MGAT5: variants seen among roughly 807,000 people sequenced by gnomAD.
MGAT5 encodes alpha-1,6-mannosylglycoprotein 6-beta-N-acetylglucosaminyltransferase.
MGAT5 carries 30 observed loss-of-function variants against 94.3 expected under a neutral mutation model. The observed-to-expected ratio is 0.32, with a 90% CI of 0.24 to 0.43. MGAT5 has a LOEUF of 0.43. Among genes scored for constraint, MGAT5 ranks in the 20% least tolerant of loss-of-function variants. The pLI is 1.00. For synonymous variants in MGAT5, 310 were observed against 322.9 expected, an observed-to-expected ratio of 0.96 and a Z score of 0.43; for missense variants, 691 against 905.5, an observed-to-expected ratio of 0.76 and a Z score of 3.04.
chr2:134,402,603 A>G (rs1683117073), intron 10 of MGAT5, among the ~76,000 whole-genome samples: 1 of 152,094 alleles, frequency 6.6e-6, no homozygotes, highest in Non-Finnish European at 1.5e-5. Context: ...CCTTCCCCAA[A>G]CTTCCTCTCC....
At chr2:134,272,168 C>A (rs974069327) in intron 2 of MGAT5, among the ~76,000 whole-genome samples, 5 of 152,298 alleles carry the variant, frequency 3.3e-5, no homozygotes, top group East Asian at 1.9e-4. Flanking sequence ...GTCGTGGGTA[C>A]ACCTCTAAGA....
intron 1 of MGAT5, among the ~76,000 whole-genome samples, chr2:134,203,535 T>G (rs1679894017): frequency 6.6e-6 from 1 of 151,990 alleles, no homozygotes; most frequent in South Asian, 2.1e-4. Flanking sequence ...CATTCTGAAA[T>G]CCTAGCACTC....
At chr2:134,429,822 A>G (rs1011887719) in intron 14 of MGAT5, among the ~76,000 whole-genome samples, 1 of 152,238 alleles carries the variant, frequency 6.6e-6, no homozygotes, top group Non-Finnish European at 1.5e-5. Flanking sequence ...ATTTTGTGCC[A>G]GCATGTGCCA....
intron 13 of MGAT5, among the ~76,000 whole-genome samples, chr2:134,426,238 C>T (rs376979337): frequency 6.6e-6 from 1 of 152,090 alleles, no homozygotes; most frequent in African/African-American, 2.4e-5. Context: ...TCATTCCTTC[C>T]GTCCCTCCAT....
intron 1 of MGAT5, among the ~76,000 whole-genome samples, chr2:134,230,865 A>G (rs1681326196): frequency 6.6e-6 from 1 of 152,134 alleles, no homozygotes; most frequent in African/African-American, 2.4e-5. Flanking sequence ...GTCATACACA[A>G]ACGCTCATAG....
chr2:134,231,436 T>C (rs1412821444), intron 1 of MGAT5: 1 of 152,238 alleles, frequency 6.6e-6, no homozygotes, highest in Admixed American at 6.5e-5. Context: ...GACAAATAAT[T>C]ATCAAATAAA....
chr2:134,158,879 A>G (rs1276794979), intron 1 of MGAT5, among the ~76,000 whole-genome samples: 5 of 152,172 alleles, frequency 3.3e-5, no homozygotes, highest in South Asian at 2.1e-4. Context: ...GCTGTCTCAC[A>G]TGATAACCAC....
chr2:134,127,021 T>G (rs1685871528), intron 1 of MGAT5: 1 of 153,940 alleles, frequency 6.5e-6, no homozygotes, highest in African/African-American at 2.4e-5. Context: ...TCATGCTCTG[T>G]GTGATTTCTC....
At chr2:134,430,217 T>C (rs1445771203) in intron 14 of MGAT5, among the ~76,000 whole-genome samples, 1 of 152,234 alleles carries the variant, frequency 6.6e-6, no homozygotes, top group Non-Finnish European at 1.5e-5. Flanking sequence ...TCTTTGCCTG[T>C]CTCCACGTCC....
chr2:134,378,502 G>GC (rs1681329610), intron 10 of MGAT5, among the ~76,000 whole-genome samples: 1 of 152,062 alleles, frequency 6.6e-6, no homozygotes, highest in Non-Finnish European at 1.5e-5. Flanking sequence ...TCCAAGCTGT[G>GC]CCATTTACTC....
intron 1 of MGAT5, among the ~76,000 whole-genome samples, chr2:134,175,278 T>C (rs533925997): frequency 1.3e-5 from 2 of 152,384 alleles, no homozygotes; most frequent in East Asian, 1.9e-4. Flanking sequence ...GGGCAGGCTC[T>C]TATGTACCTA....
intron 12 of MGAT5, among the ~76,000 whole-genome samples, chr2:134,413,416 A>G (rs568945446): frequency 6.6e-6 from 1 of 152,350 alleles, no homozygotes; most frequent in East Asian, 1.9e-4. Flanking sequence ...TCAAAGAGCC[A>G]TCAGCCTCAG....
intron 1 of MGAT5, among the ~76,000 whole-genome samples, chr2:134,208,559 C>T (rs1680131979): frequency 6.6e-6 from 1 of 152,074 alleles, no homozygotes. Context: ...ATAGGATATG[C>T]CTTTATTCCC....
At chr2:134,316,422 A>G (rs1168621108) in intron 2 of MGAT5, among the ~76,000 whole-genome samples, 2 of 152,110 alleles carry the variant, frequency 1.3e-5, no homozygotes, top group Non-Finnish European at 2.9e-5. Flanking sequence ...ATGTCACTGG[A>G]TGCAGGAGGC....
intron 2 of MGAT5, among the ~76,000 whole-genome samples, chr2:134,316,069 G>A (rs1686980031): frequency 6.6e-6 from 1 of 152,090 alleles, no homozygotes; most frequent in African/African-American, 2.4e-5. Flanking sequence ...AAAACTATCG[G>A]CAGTAGGTAA....
intron 1 of MGAT5, among the ~76,000 whole-genome samples, chr2:134,189,560 T>C (rs1342359668): frequency 6.7e-6 from 1 of 149,756 alleles, no homozygotes; most frequent in Non-Finnish European, 1.5e-5. Flanking sequence ...TTTCTGGTTA[T>C]GCAATAACAT....
intron 1 of MGAT5, among the ~76,000 whole-genome samples, chr2:134,140,117 G>A (rs1043700913): frequency 3.9e-5 from 6 of 152,226 alleles, no homozygotes; most frequent in Admixed American, 1.3e-4. Flanking sequence ...TGCCCCACTG[G>A]GTTGTGTGAG....
At chr2:134,207,504 T>C (rs1188286598) in intron 1 of MGAT5, among the ~76,000 whole-genome samples, 1 of 152,044 alleles carries the variant, frequency 6.6e-6, no homozygotes, top group African/African-American at 2.4e-5. Flanking sequence ...AGCCAGACTT[T>C]CATGTTTGAG....
chr2:134,126,949 G>A (rs1685866638), intron 1 of MGAT5, among the ~76,000 whole-genome samples: 1 of 152,058 alleles, frequency 6.6e-6, no homozygotes, highest in Non-Finnish European at 1.5e-5. Flanking sequence ...ATCCATGCCG[G>A]TGAGGAGTTT....
Sources: allele counts gnomAD v4.1 joint callset (sites outside exome capture counted in the v4.1 genomes callset), GRCh38; gene constraint gnomAD v4.1.1; transcripts MANE v1.5; gene names NCBI Gene and HGNC (gene_info 2026-07-23, HGNC 2026-07-21).